The following PIBF1 variants were observed in gnomAD, a reference collection of about 807,000 sequenced individuals.
The protein encoded by PIBF1 is progesterone-induced-blocking factor 1.
Under a neutral mutation model 112.5 loss-of-function variants are expected in PIBF1, and 90 were observed. The ratio of observed to expected loss-of-function variants is 0.80; its 90% confidence interval spans 0.67 to 0.95. The LOEUF is 0.95. Ranked by LOEUF, PIBF1 falls within the 40% of genes least tolerant of loss-of-function variation. The pLI, the probability that PIBF1 is intolerant of heterozygous loss-of-function variation, is 0.00. For synonymous variants in PIBF1, 301 were observed against 288.6 expected (o/e 1.04, Z -0.44); for missense variants, 915 against 852.3 (o/e 1.07, Z -0.92).
chr13:72,858,057 G>GTGTGTA (rs2038518717), intron 10 of PIBF1, among the ~76,000 whole-genome samples: 1 of 148,278 alleles, frequency 6.7e-6, no homozygotes, highest in African/African-American at 2.5e-5. Context: ...GTGTGTGTGT[G>GTGTGTA]TATGTATTAT....
chr13:72,835,884 G>A (rs1298060024), intron 9 of PIBF1, among the ~76,000 whole-genome samples: 1 of 152,066 alleles, frequency 6.6e-6, no homozygotes, highest in Non-Finnish European at 1.5e-5. Context: ...CAGATCACGA[G>A]GTCAGGAGAT....
intron 12 of PIBF1, among the ~76,000 whole-genome samples, chr13:72,910,414 T>C (rs111975999): frequency 5.3e-5 from 8 of 152,220 alleles, no homozygotes; most frequent in African/African-American, 1.7e-4. Context: ...TTTGAAAGTT[T>C]CATACTCTTT....
rs367750603 is a variant in PIBF1 at position 72,827,138 on chromosome 13, C to T, written c.915+20C>T. ...AAAGAGGTAAGCTTATAATTAGAGT[C>T]ACTTATATTATATAGCATAGTATTA... is the stretch of plus-strand genomic sequence containing the variant. On this transcript the variant is annotated intron_variant, in intron 7 of 17. Transcript: ENST00000326291. 1 of 1,290,286 alleles carries T rather than the reference C, an allele frequency of 7.8e-7. No individual in the cohort carries two copies. Among genetic ancestry groups the T allele is most frequent in the East Asian group, 2.4e-5 (1 of 41,292 alleles). The allele number at this position is 1,290,286 out of a possible 1,614,324, so 79.9% of individuals were successfully genotyped here.
intron 15 of PIBF1, among the ~76,000 whole-genome samples, chr13:72,967,246 T>A (rs902293673): frequency 6.6e-6 from 1 of 152,208 alleles, no homozygotes; most frequent in African/African-American, 2.4e-5. Flanking sequence ...AAAATTTGAA[T>A]CTTTTATATG....
intron 14 of PIBF1, among the ~76,000 whole-genome samples, chr13:72,941,067 C>T (rs1050809716): frequency 2.6e-5 from 4 of 152,212 alleles, no homozygotes; most frequent in African/African-American, 9.6e-5. Flanking sequence ...CAGGCTCTGC[C>T]TTAATTCTCC....
At chr13:72,822,500 CTT>C (rs1250113707) in intron 6 of PIBF1, among the ~76,000 whole-genome samples, 1 of 152,134 alleles carries the variant, frequency 6.6e-6, no homozygotes, top group African/African-American at 2.4e-5. Context: ...CAGTACATCT[CTT>C]TTCATTCTGA....
intron 10 of PIBF1, among the ~76,000 whole-genome samples, chr13:72,885,023 T>C (rs755562453): frequency 3.9e-5 from 6 of 152,158 alleles, no homozygotes; most frequent in Non-Finnish European, 7.4e-5. Context: ...GAGTCACGCA[T>C]AGATTCCTAA....
chr13:73,001,357 A>G (rs926078552), intron 17 of PIBF1, among the ~76,000 whole-genome samples: 10 of 152,138 alleles, frequency 6.6e-5, no homozygotes, highest in African/African-American at 2.4e-4. Flanking sequence ...TTATAATCTC[A>G]TGGTTTTATA....
At chr13:72,837,753 A>G (rs1248541817) in intron 9 of PIBF1, among the ~76,000 whole-genome samples, 2 of 152,128 alleles carry the variant, frequency 1.3e-5, no homozygotes, top group Non-Finnish European at 2.9e-5. Context: ...TTCATATTAT[A>G]TTAGTATCAT....
chr13:72,940,142 G>C (rs1484362443), intron 14 of PIBF1, among the ~76,000 whole-genome samples: 1 of 152,012 alleles, frequency 6.6e-6, no homozygotes, highest in Non-Finnish European at 1.5e-5. Context: ...GGACTTCAAT[G>C]AGATATATAT....
intron 17 of PIBF1, among the ~76,000 whole-genome samples, chr13:73,011,647 C>T (rs1027108245): frequency 7.2e-5 from 11 of 152,022 alleles, no homozygotes; most frequent in Admixed American, 2.0e-4. Flanking sequence ...AGTTCATATT[C>T]CAGAGGCACA....
chr13:72,978,296 A>C (rs1376660241), intron 16 of PIBF1, among the ~76,000 whole-genome samples: 1 of 152,240 alleles, frequency 6.6e-6, no homozygotes, highest in African/African-American at 2.4e-5. Flanking sequence ...ACATAATCTA[A>C]TCTTTACTAC....
At chr13:72,802,370 G>A (rs1322208867) in intron 5 of PIBF1, among the ~76,000 whole-genome samples, 1 of 152,166 alleles carries the variant, frequency 6.6e-6, no homozygotes, top group East Asian at 1.9e-4. Flanking sequence ...AGACTGTAGA[G>A]CTATAAGGAT....
Position 72,998,949 on chromosome 13 carries a change from C to G in PIBF1, c.2177C>G (p.Pro726Arg). 6.2e-7 allele frequency: 1 copy of G among 1,611,186 alleles called. No homozygotes were observed. The highest frequency in any genetic ancestry group is 1.1e-5 in the South Asian group (1 of 90,822). ...CAGAAATCAAAGACTTTGAATGTGC[C>G]TAAAGAGCATGAAGACAATATATTT... ...ENQKSKTLNV[P>R]KEHEDNIFTP... is the part of the protein sequence containing the mutation. Residue 726 changes from proline (P) to arginine (R), a missense_variant, in exon 17 of 18, where the codon CCT (proline) becomes CGT (arginine). Transcript: ENST00000326291.
intron 12 of PIBF1, among the ~76,000 whole-genome samples, chr13:72,912,351 T>C (rs1310332427): frequency 6.6e-6 from 1 of 152,084 alleles, no homozygotes; most frequent in Admixed American, 6.6e-5. Context: ...AATAGTCCTG[T>C]TTAAAACATG....
At chr13:72,856,621 TA>T (rs2038434250) in intron 10 of PIBF1, among the ~76,000 whole-genome samples, 1 of 152,194 alleles carries the variant, frequency 6.6e-6, no homozygotes, top group African/African-American at 2.4e-5. Context: ...TCTGGGAATG[TA>T]AAACTCAAAA....
intron 10 of PIBF1, among the ~76,000 whole-genome samples, chr13:72,868,677 T>C (rs1208243530): frequency 1.3e-5 from 2 of 152,152 alleles, no homozygotes; most frequent in Non-Finnish European, 1.5e-5. Context: ...TATCACCTCT[T>C]CATTATAGAA....
rs1425635394 is a variant in PIBF1, at chr13:73,007,323, G to A, written c.2223+8328G>A. 3.4e-5 allele frequency among the ~76,000 whole-genome samples: 5 copies of A among 147,592 alleles called. No homozygotes were observed. The East Asian group carries it at 1.0e-3, about 29-fold the overall frequency. ...TGTTTTTTTTTTTTTTTGAGATGGA[G>A]TCTCACTCTGTCACCCAGGCTGGAG... On this transcript the variant is annotated intron_variant, in intron 17 of 17. Transcript: ENST00000326291.
chr13:72,863,032 A>G (rs1021326973), intron 10 of PIBF1, among the ~76,000 whole-genome samples: 1 of 152,142 alleles, frequency 6.6e-6, no homozygotes, highest in African/African-American at 2.4e-5. Context: ...GTGTTTGTAC[A>G]TATATAATGT....
Sources: allele counts gnomAD v4.1 joint callset (sites outside exome capture counted in the v4.1 genomes callset), GRCh38; gene constraint gnomAD v4.1.1; transcripts MANE v1.5; gene names NCBI Gene and HGNC (gene_info 2026-07-23, HGNC 2026-07-21).